The following RIMS2 variants were observed in gnomAD, a reference collection of about 807,000 sequenced individuals.
The protein encoded by RIMS2 is regulating synaptic membrane exocytosis protein 2.
In RIMS2, 59 loss-of-function variants were observed where a neutral mutation model predicts 174.4. The observed-to-expected ratio is 0.34, with a 90% CI of 0.27 to 0.42. The LOEUF (loss-of-function observed/expected upper bound fraction) is 0.42, where lower values mean the gene tolerates loss of function less well. RIMS2 is among the 10% of genes least tolerant of loss of function. The probability of loss-of-function intolerance (pLI) is 1.00; values close to 1 mark genes in which losing one functional copy is unlikely to be tolerated. For synonymous variants in RIMS2, 606 were observed against 572.5 expected (o/e 1.06, Z -0.84); for missense variants, 1,620 against 1,666.3 (o/e 0.97, Z 0.48).
intron 3 of RIMS2, among the ~76,000 whole-genome samples, chr8:103,816,432 G>T (rs2098719058): frequency 6.6e-6 from 1 of 152,162 alleles, no homozygotes; most frequent in African/African-American, 2.4e-5. Flanking sequence ...TATGCTAGAT[G>T]AATGAGACAA....
At chr8:103,935,965 A>G (rs1375407142) in intron 12 of RIMS2, among the ~76,000 whole-genome samples, 2 of 152,210 alleles carry the variant, frequency 1.3e-5, no homozygotes, top group Non-Finnish European at 2.9e-5. Flanking sequence ...TTCAACCCAC[A>G]TTGTGGTGAC....
intron 1 of RIMS2, among the ~76,000 whole-genome samples, chr8:103,660,936 G>A (rs2096593038): frequency 6.6e-6 from 1 of 152,326 alleles, no homozygotes; most frequent in Non-Finnish European, 1.5e-5. Context: ...CAGATTGAAG[G>A]TATAGAAAGT....
chr8:103,766,308 A>G (rs1369404973), exon 3 of RIMS2: 1 of 1,612,998 alleles, frequency 6.2e-7, no homozygotes, highest in African/African-American at 1.3e-5. Flanking sequence ...TAGTGGATCT[A>G]ATACACCACA....
chr8:104,155,638 C>G (rs944031734), intron 19 of RIMS2, among the ~76,000 whole-genome samples: 2 of 151,740 alleles, frequency 1.3e-5, no homozygotes, highest in South Asian at 4.2e-4. Context: ...TGGTCTTGAT[C>G]TCTTGACCTG....
At chr8:103,680,851 G>C (rs1464553651) in intron 1 of RIMS2, among the ~76,000 whole-genome samples, 2 of 151,910 alleles carry the variant, frequency 1.3e-5, no homozygotes, top group African/African-American at 4.8e-5. Context: ...GCAAGAATGA[G>C]AGAAAACTAG....
intron 19 of RIMS2, among the ~76,000 whole-genome samples, chr8:104,084,922 A>G (rs1022004682): frequency 6.6e-6 from 1 of 152,160 alleles, no homozygotes; most frequent in Admixed American, 6.5e-5. Flanking sequence ...TTACACACCC[A>G]TATCTTTCAG....
intron 4 of RIMS2, among the ~76,000 whole-genome samples, chr8:103,908,337 G>C (rs545970755): frequency 6.6e-6 from 1 of 152,234 alleles, no homozygotes; most frequent in South Asian, 2.1e-4. Context: ...CACCATGCCT[G>C]GCCAAAACTT....
intron 19 of RIMS2, among the ~76,000 whole-genome samples, chr8:104,172,608 T>C (rs1309448103): frequency 2.0e-5 from 3 of 152,216 alleles, no homozygotes; most frequent in Non-Finnish European, 2.9e-5. Context: ...AACCACATGA[T>C]CCACAAAGCC....
intron 2 of RIMS2, among the ~76,000 whole-genome samples, chr8:103,707,440 CTGAG>C (rs149932099): frequency 0.012 from 1,766 of 152,212 alleles, 31 homozygotes; most frequent in African/African-American, 0.039. Flanking sequence ...GTTAAGGGTA[CTGAG>C]TATTTACTTA....
intron 20 of RIMS2, among the ~76,000 whole-genome samples, chr8:104,246,731 A>C (rs555271082): frequency 1.6e-4 from 24 of 152,170 alleles, no homozygotes; most frequent in African/African-American, 5.1e-4. Context: ...TGAAGGAAGA[A>C]CATTCTAGAA....
intron 19 of RIMS2, among the ~76,000 whole-genome samples, chr8:104,025,783 AC>A (rs1437693138): frequency 6.9e-6 from 1 of 144,160 alleles, no homozygotes; most frequent in Non-Finnish European, 1.5e-5. Flanking sequence ...TCCATATACA[AC>A]AATAGTCTCA....
At chr8:103,774,151 A>G (rs552344984) in intron 3 of RIMS2, among the ~76,000 whole-genome samples, 2 of 152,240 alleles carry the variant, frequency 1.3e-5, no homozygotes, top group Non-Finnish European at 2.9e-5. Context: ...CAATAAATAA[A>G]TAAGTAAATA....
At chr8:103,728,748 C>CTTTTTTTTTTTTTTTTTTTTTTTTTT (rs71575982) in intron 2 of RIMS2, among the ~76,000 whole-genome samples, 3 of 92,662 alleles carry the variant, frequency 3.2e-5, no homozygotes, top group South Asian at 6.9e-4. Flanking sequence ...TATGCTCCTT[C>CTTTTTTTTTTTTTTTTTTTTTTTTTT]TTTTTTTTTT....
chr8:103,971,548 C>A (rs1310719986), intron 15 of RIMS2, among the ~76,000 whole-genome samples: 1 of 151,828 alleles, frequency 6.6e-6, no homozygotes, highest in Non-Finnish European at 1.5e-5. Flanking sequence ...ATAAACTTTT[C>A]TTACTCTTAT....
In RIMS2 at chr8:104,126,875, G is replaced by GA. The variant is rs199555022; in HGVS notation, c.3334+112266dup. 6.2e-3 allele frequency among the ~76,000 whole-genome samples: 951 copies of GA among 152,182 alleles called. 10 individuals are homozygous for GA. Among genetic ancestry groups the GA allele is most frequent in the African/African-American group, 0.021 (852 of 41,532 alleles). On this transcript the variant is annotated intron_variant, in intron 19 of 23. Coordinates refer to ENST00000504942, the Ensembl canonical transcript of RIMS2. Reference sequence around the variant, plus strand: ...TATTTCCTTAGTACTTTTCAAGATAGAAAAAATCCCTGCAAATACACTTGC... The same window carrying GA: ...TATTTCCTTAGTACTTTTCAAGATAGAAAAAAATCCCTGCAAATACACTTGC...
rs1431525723 is a variant in RIMS2, at chr8:103,540,464, C to T, written c.176+39402C>T. The stretch of plus-strand genomic sequence containing the variant: ...AGCGGCACCCTCACTGGTGCCAGAA[C>T]ATCTGTACTCCACTCATGTAAGCAC... On this transcript the variant is annotated intron_variant, in intron 1 of 23. Coordinates refer to ENST00000504942, the Ensembl canonical transcript of RIMS2. 2.0e-5 allele frequency among the ~76,000 whole-genome samples: 3 copies of T among 152,310 alleles called. No individual in the cohort carries two copies. In the East Asian group the frequency reaches 5.8e-4, roughly 29 times the overall value.
chr8:103,702,301 G>A (rs1240135036), intron 2 of RIMS2, among the ~76,000 whole-genome samples: 1 of 151,928 alleles, frequency 6.6e-6, no homozygotes, highest in Admixed American at 6.6e-5. Context: ...TTGCTATTGA[G>A]TTGTTTGAGT....
At chr8:104,137,128 A>G (rs1178284467) in intron 19 of RIMS2, among the ~76,000 whole-genome samples, 1 of 152,194 alleles carries the variant, frequency 6.6e-6, no homozygotes, top group Non-Finnish European at 1.5e-5. Context: ...TACCAAAGGT[A>G]TGGGGATTAT....
intron 3 of RIMS2, among the ~76,000 whole-genome samples, chr8:103,825,669 TTATGAA>T (rs1483230411): frequency 6.6e-6 from 1 of 152,148 alleles, no homozygotes; most frequent in Non-Finnish European, 1.5e-5. Flanking sequence ...ATATTTCTTT[TTATGAA>T]TATGAATATA....
Sources: gnomAD v4.1 joint callset for allele counts (sites outside exome capture counted in the v4.1 genomes callset) on GRCh38, gnomAD v4.1.1 for gene constraint, MANE v1.5 for transcripts, NCBI Gene and HGNC (gene_info 2026-07-23, HGNC 2026-07-21) for gene names.